FLACC1: variants seen among roughly 807,000 people sequenced by gnomAD.
FLACC1 encodes flagellum-associated coiled-coil domain-containing protein 1.
FLACC1 carries 66 observed loss-of-function variants against 62.8 expected under a neutral mutation model. That is an observed-to-expected ratio of 1.05 (90% CI 0.86 to 1.29). The LOEUF (loss-of-function observed/expected upper bound fraction) is 1.29. Ranked by LOEUF, FLACC1 falls within the 50% of genes most tolerant of loss-of-function variation. The pLI is 0.00. For missense variants in FLACC1, 452 were observed against 489.1 expected, an observed-to-expected ratio of 0.92 and a Z score of 0.71; for synonymous variants, 156 against 161.0, an observed-to-expected ratio of 0.97 and a Z score of 0.24.
chr2:201,350,315 G>C (rs993529307), intron 3 of FLACC1, among the ~76,000 whole-genome samples: 1 of 152,178 alleles, frequency 6.6e-6, no homozygotes, highest in African/African-American at 2.4e-5. Flanking sequence ...AACCAGGGAG[G>C]TGGAGGTTGG....
intron 11 of FLACC1, among the ~76,000 whole-genome samples, chr2:201,307,148 C>T (rs1169381368): frequency 6.6e-6 from 1 of 152,164 alleles, no homozygotes; most frequent in Non-Finnish European, 1.5e-5. Context: ...TAAACCTGTA[C>T]CTGCCCTAGC....
At chr2:201,325,131 C>CA (rs1396205848) in intron 9 of FLACC1, among the ~76,000 whole-genome samples, 1 of 151,938 alleles carries the variant, frequency 6.6e-6, no homozygotes, top group Non-Finnish European at 1.5e-5. Flanking sequence ...GAGACTGTCT[C>CA]AAAAAACTAA....
intron 9 of FLACC1, among the ~76,000 whole-genome samples, chr2:201,324,566 T>C (rs999582843): frequency 6.6e-6 from 1 of 152,200 alleles, no homozygotes; most frequent in Non-Finnish European, 1.5e-5. Flanking sequence ...GTTCTTCTCA[T>C]TGGTACATAG....
At chr2:201,308,414 A>G (rs1293960042) in intron 10 of FLACC1, among the ~76,000 whole-genome samples, 2 of 152,162 alleles carry the variant, frequency 1.3e-5, no homozygotes, top group Non-Finnish European at 2.9e-5. Flanking sequence ...GCCCACCAGA[A>G]TGTGAATTAA....
At chr2:201,363,994 T>A in the FLACC1 span, among the ~76,000 whole-genome samples, 1 of 152,182 alleles carries the variant, frequency 6.6e-6, no homozygotes, top group Non-Finnish European at 1.5e-5. Context: ...CCTCCCTGTG[T>A]CTGAGCAGGG....
intron 7 of FLACC1, among the ~76,000 whole-genome samples, chr2:201,340,837 T>C (rs1300952609): frequency 1.3e-5 from 2 of 152,204 alleles, no homozygotes; most frequent in African/African-American, 4.8e-5. Flanking sequence ...TTTGGGAAAG[T>C]TTCTATTTCT....
chr2:201,342,743 C>T (rs532876781), intron 6 of FLACC1, among the ~76,000 whole-genome samples: 3 of 152,218 alleles, frequency 2.0e-5, no homozygotes, highest in Non-Finnish European at 4.4e-5. Flanking sequence ...ATTTCTGTTA[C>T]ATCATGGCCT....
chr2:201,312,236 G>A (rs1950229825), intron 9 of FLACC1, among the ~76,000 whole-genome samples: 1 of 152,130 alleles, frequency 6.6e-6, no homozygotes, highest in African/African-American at 2.4e-5. Context: ...TAAAGTTTCA[G>A]GATACAAAAT....
At chr2:201,352,151 G>A (rs748827055) in intron 1 of FLACC1, 6 of 152,150 alleles carry the variant, frequency 3.9e-5, no homozygotes, top group African/African-American at 1.4e-4. Flanking sequence ...TGACTCCCAA[G>A]CTCCTTCCTT....
rs1559418596 is a variant in FLACC1 at position 201,345,483 on chromosome 2, TG to T, written c.368+1058del. 1.8e-3 allele frequency among the ~76,000 whole-genome samples: 269 copies of T among 147,168 alleles called. 1 individual carries two copies. The highest frequency in any genetic ancestry group is 6.8e-3 in the Middle Eastern group (2 of 292). ...GTGTGTGTGTGTGTGTGTGTGTGTG[TG>T]TATGTGTGTGTGTGTTTTCTATTGT... is the stretch of plus-strand genomic sequence containing the variant. On this transcript the variant is annotated intron_variant, in intron 5 of 14. Coordinates refer to ENST00000392257, the MANE Select transcript of FLACC1 (RefSeq NM_001127391.3).
intron 14 of FLACC1, 144 bp downstream of exon 14, chr2:201,289,313 G>T: frequency 1.5e-6 from 1 of 688,284 alleles, no homozygotes. Context: ...CACTGGCCTA[G>T]AGTGACATAC....
intron 11 of FLACC1, among the ~76,000 whole-genome samples, chr2:201,304,319 C>T (rs1477690481): frequency 2.6e-5 from 4 of 152,110 alleles, no homozygotes; most frequent in Admixed American, 2.6e-4. Context: ...CATGAGTGAA[C>T]TCCCATTCAC....
intron 1 of FLACC1, among the ~76,000 whole-genome samples, chr2:201,354,253 G>A (rs948622168): frequency 2.6e-5 from 4 of 152,206 alleles, no homozygotes; most frequent in Admixed American, 1.3e-4. Context: ...TGTGAGTCCT[G>A]TGCTAGATGC....
At chr2:201,298,917 A>G (rs1231912080) in intron 12 of FLACC1, among the ~76,000 whole-genome samples, 1 of 152,238 alleles carries the variant, frequency 6.6e-6, no homozygotes, top group Non-Finnish European at 1.5e-5. Context: ...GCTCAAAGGG[A>G]AGAACTTGGT....
At chr2:201,291,868 A>G (rs1949743451) in intron 12 of FLACC1, among the ~76,000 whole-genome samples, 1 of 152,240 alleles carries the variant, frequency 6.6e-6, no homozygotes, top group Non-Finnish European at 1.5e-5. Flanking sequence ...CACAAGAAGT[A>G]TGTGACAAAT....
At chr2:201,312,669 T>C (rs1042235329) in intron 9 of FLACC1, among the ~76,000 whole-genome samples, 20 of 152,154 alleles carry the variant, frequency 1.3e-4, no homozygotes, top group African/African-American at 4.3e-4. Flanking sequence ...GACTTCAAAA[T>C]ATACTACTAA....
At chr2:201,306,702 C>T (rs1350082887) in intron 11 of FLACC1, among the ~76,000 whole-genome samples, 1 of 152,040 alleles carries the variant, frequency 6.6e-6, no homozygotes, top group Non-Finnish European at 1.5e-5. Context: ...AAATTTAAAG[C>T]TTCTGTATAT....
At chr2:201,348,673 A>G (rs556219906) in intron 3 of FLACC1, among the ~76,000 whole-genome samples, 1 of 151,384 alleles carries the variant, frequency 6.6e-6, no homozygotes, top group Non-Finnish European at 1.5e-5. Context: ...CACTCAGTTC[A>G]GGGAACTGTG....
chr2:201,341,125 C>G (rs1444254514), intron 7 of FLACC1, among the ~76,000 whole-genome samples: 1 of 151,896 alleles, frequency 6.6e-6, no homozygotes, highest in Non-Finnish European at 1.5e-5. Context: ...AGCAGGTGCA[C>G]AGGAACTCTC....
Sources: allele counts gnomAD v4.1 joint callset (sites outside exome capture counted in the v4.1 genomes callset), GRCh38; gene constraint gnomAD v4.1.1; transcripts MANE v1.5; gene names NCBI Gene and HGNC (gene_info 2026-07-23, HGNC 2026-07-21).